Variants in TSBP1 observed in about 807,000 individuals in gnomAD.
The protein encoded by TSBP1 is testis-expressed basic protein 1.
TSBP1 carries 56 observed loss-of-function variants against 68.8 expected under a neutral mutation model. The ratio of observed to expected loss-of-function variants is 0.81; its 90% CI spans 0.66 to 1.02. TSBP1 has a LOEUF of 1.02. Among genes scored for constraint, TSBP1 ranks in the 50% least tolerant of loss-of-function variants. The pLI, the probability that TSBP1 is intolerant of heterozygous loss-of-function variation, is 0.00. For missense variants in TSBP1, 502 were observed against 641.2 expected, an observed-to-expected ratio of 0.78 and a Z score of 2.34; for synonymous variants, 171 against 208.7, an observed-to-expected ratio of 0.82 and a Z score of 1.56.
At chr6:32,360,233 C>CTTTTTTTTTTTTTTTTTTTTTTTTTTTTT (rs1328887962) in intron 6 of TSBP1, among the ~76,000 whole-genome samples, 2 of 152,090 alleles carry the variant, frequency 1.3e-5, no homozygotes, top group Non-Finnish European at 2.9e-5. Flanking sequence ...CTGAGTTCAA[C>CTTTTTTTTTTTTTTTTTTTTTTTTTTTTT]TTTTTAAGGT....
Position 32,315,560 on chromosome 6 carries a change from TCAAAA to T in TSBP1, c.580+207_580+211del, listed in dbSNP as rs1303467314. On this transcript the variant is annotated intron_variant, in intron 19 of 22. Coordinates refer to ENST00000612031, the Ensembl canonical transcript of TSBP1. This position sits in a 1 kb window ranked among gnomAD's most constrained non-coding sequence, Gnocchi z 5.4. The stretch of plus-strand genomic sequence containing the variant: ...CTGTGTGACAGAGTGAGACTCTGTC[TCAAAA>T]CAAAACAAAACAAAAAAACCTAAAT... 2.0e-5 allele frequency among the ~76,000 whole-genome samples: 3 copies of T among 152,110 alleles called. No homozygotes were observed. The highest frequency in any genetic ancestry group is 4.8e-5 in the African/African-American group (2 of 41,422).
At chr6:32,351,380 T>G (rs1338977381) in intron 8 of TSBP1, among the ~76,000 whole-genome samples, 1 of 152,152 alleles carries the variant, frequency 6.6e-6, no homozygotes, top group African/African-American at 2.4e-5. Context: ...AAGACACTGC[T>G]GAGAGAAGGG....
chr6:32,293,106 CT>C lies in TSBP1; in HGVS notation c.1566del (p.Gly523ValfsTer50), dbSNP rs1295573773. The C allele has an allele frequency of 1.9e-6, 3 of 1,603,424 alleles. No homozygotes were observed. Among genetic ancestry groups the C allele is most frequent in the East Asian group, 4.5e-5 (2 of 44,808 alleles). The stretch of plus-strand genomic sequence containing the variant: ...TTAACTTTGTCCTTTCCTTTGTCAC[CT>C]TTTGTGTTTTTGTCACCTTTTTCTT... On this transcript the variant is annotated frameshift_variant, in exon 23 of 23. Transcript: ENST00000612031. LOFTEE classifies it low-confidence loss of function (END_TRUNC).
intron 6 of TSBP1, among the ~76,000 whole-genome samples, chr6:32,363,149 A>G (rs1416343702): frequency 6.6e-6 from 1 of 152,086 alleles, no homozygotes; most frequent in Non-Finnish European, 1.5e-5. Context: ...ATAATTTTTG[A>G]CTAAAAGTCT....
intron 9 of TSBP1, among the ~76,000 whole-genome samples, chr6:32,341,531 A>T (rs1770352757): frequency 6.6e-6 from 1 of 152,142 alleles, no homozygotes; most frequent in African/African-American, 2.4e-5. Context: ...AACAAAACAC[A>T]TCTATAGGTG....
In TSBP1 at chr6:32,336,740, A is replaced by G; in HGVS notation, c.410-105T>C. ...TGAAGCAATTCAACCAGAGGAGAACAACTACTGTGGGACTGCAGATGATCT... is the reference window on the plus strand; with the variant it reads ...TGAAGCAATTCAACCAGAGGAGAACGACTACTGTGGGACTGCAGATGATCT... On this transcript the variant is annotated intron_variant, in intron 11 of 22. Coordinates refer to ENST00000612031, the Ensembl canonical transcript of TSBP1. This position sits in a 1 kb window ranked among gnomAD's most constrained non-coding sequence, Gnocchi z 5.2. 1 of 1,003,462 alleles carries G rather than the reference A, an allele frequency of 1.0e-6. No homozygotes were observed. The highest frequency in any genetic ancestry group is 2.5e-5 in the East Asian group (1 of 39,320). 62.2% of individuals were successfully genotyped at this position (1,003,462 alleles called of 1,614,324 possible).
intron 9 of TSBP1, among the ~76,000 whole-genome samples, chr6:32,349,149 CA>C (rs1221580379): frequency 6.6e-6 from 1 of 150,574 alleles, no homozygotes; most frequent in Non-Finnish European, 1.5e-5. Context: ...TAAATATAAA[CA>C]AAAAATTCAT....
Position 32,304,182 on chromosome 6 carries a change from C to G in TSBP1, c.581-1553G>C, listed in dbSNP as rs1025356364. Among the ~76,000 whole-genome samples the G allele has an allele frequency of 2.0e-5, 3 of 149,584 alleles. No homozygotes were observed. The highest frequency in any genetic ancestry group is 4.4e-5 in the Non-Finnish European group (3 of 67,736). On this transcript the variant is annotated intron_variant, in intron 19 of 22. Transcript: ENST00000612031. This position sits in a 1 kb window ranked among gnomAD's most constrained non-coding sequence, Gnocchi z 4.8. ...AAAGGAAGGAAGAAGAAAGAACGAG[C>G]GAATGAACAAAAGAAAGAAAGAAAG...
intron 19 of TSBP1, among the ~76,000 whole-genome samples, chr6:32,310,761 A>ATATATATTTT: frequency 9.7e-5 from 14 of 144,834 alleles, no homozygotes; most frequent in African/African-American, 1.5e-4. Context: ...ATATATATAT[A>ATATATATTTT]TTTTTAATCT....
rs1765422819 is a variant in TSBP1, at chr6:32,302,650, A to G, written c.581-21T>C. The G allele has an allele frequency of 1.9e-6, 3 of 1,538,656 alleles. No homozygotes were observed. Among genetic ancestry groups the G allele is most frequent in the South Asian group, 1.2e-5 (1 of 82,356 alleles). On this transcript the variant is annotated intron_variant, in intron 19 of 22. Coordinates refer to ENST00000612031, the Ensembl canonical transcript of TSBP1. This position sits in a 1 kb window ranked among gnomAD's most constrained non-coding sequence, Gnocchi z 5.1. Reference sequence around the variant, plus strand: ...TATTCCTGAAAATCAAAACAAGAAAATAGGTTAATGGCAGCATTTTTGGAA... The same window carrying G: ...TATTCCTGAAAATCAAAACAAGAAAGTAGGTTAATGGCAGCATTTTTGGAA...
chr6:32,354,589 A>T (rs906615575), intron 8 of TSBP1, among the ~76,000 whole-genome samples: 1 of 152,166 alleles, frequency 6.6e-6, no homozygotes, highest in African/African-American at 2.4e-5. Context: ...TGTACCCCGG[A>T]TAAACTCTTT....
exon 22 of TSBP1, chr6:32,299,930 G>C (rs751397449): frequency 3.1e-6 from 5 of 1,609,350 alleles, no homozygotes; most frequent in Non-Finnish European, 3.4e-6. Flanking sequence ...ACCCACAGGA[G>C]TCAGTGCTAA....
In TSBP1 at chr6:32,335,836, G is replaced by A. The variant is rs1769585791; in HGVS notation, c.451+76C>T. 1 of 1,193,330 alleles carries A rather than the reference G, an allele frequency of 8.4e-7. No homozygotes were observed. The highest frequency in any genetic ancestry group is 1.8e-5 in the Admixed American group (1 of 55,448). The allele number at this position is 1,193,330 out of a possible 1,614,324, so 73.9% of individuals were successfully genotyped here. On this transcript the variant is annotated intron_variant, in intron 13 of 22. Transcript: ENST00000612031. The surrounding 1 kb of genome is among the most constrained non-coding windows in gnomAD (Gnocchi z 5.5). ...CTCCAAACCCTTGAAATCCCAACATGGAAACCAGGTAGCGATCCCTAAGAT... is the reference window on the plus strand; with the variant it reads ...CTCCAAACCCTTGAAATCCCAACATAGAAACCAGGTAGCGATCCCTAAGAT...
At chr6:32,320,544 C>T (rs2127586551) in intron 18 of TSBP1, among the ~76,000 whole-genome samples, 1 of 152,024 alleles carries the variant, frequency 6.6e-6, no homozygotes, top group African/African-American at 2.4e-5. Flanking sequence ...ATTTTTTCAT[C>T]CCCTCACTGT....
rs1185312568 is a variant in TSBP1, at chr6:32,304,657, G to T, written c.581-2028C>A. On this transcript the variant is annotated intron_variant, in intron 19 of 22. Transcript: ENST00000612031. The surrounding 1 kb of genome is among the most constrained non-coding windows in gnomAD (Gnocchi z 4.8). ...TAATAGTTAAAGGTTACTAATTTAT[G>T]TTCTCTCTTCATCGTCTTTTTTGTC... is the stretch of plus-strand genomic sequence containing the variant. Among the ~76,000 whole-genome samples the T allele has an allele frequency of 3.3e-5, 5 of 152,052 alleles. No individual in the cohort carries two copies. The highest frequency in any genetic ancestry group is 7.4e-5 in the Non-Finnish European group (5 of 67,996).
chr6:32,369,974 A>G, exon 2 of TSBP1: 2 of 1,611,406 alleles, frequency 1.2e-6, no homozygotes, highest in African/African-American at 2.7e-5. Context: ...GATGACAGCC[A>G]AAGTTATTTC....
chr6:32,344,890 A>C (rs1770810601), intron 9 of TSBP1, among the ~76,000 whole-genome samples: 1 of 151,598 alleles, frequency 6.6e-6, no homozygotes. Flanking sequence ...ACAGGGTTTC[A>C]CTCTGTTGCC....
chr6:32,305,637 A>G (rs1368150212), intron 19 of TSBP1, among the ~76,000 whole-genome samples: 1 of 152,138 alleles, frequency 6.6e-6, no homozygotes, highest in Admixed American at 6.5e-5. Flanking sequence ...CTGGGATTAC[A>G]GGTGTGTGCC....
At chr6:32,348,147 C>CT (rs1771277382) in intron 9 of TSBP1, among the ~76,000 whole-genome samples, 1 of 152,200 alleles carries the variant, frequency 6.6e-6, no homozygotes, top group South Asian at 2.1e-4. Flanking sequence ...GGTATAGCAG[C>CT]TGCAGTGCTC....
Sources: gnomAD v4.1 joint callset for allele counts (sites outside exome capture counted in the v4.1 genomes callset) on GRCh38, gnomAD v4.1.1 for gene constraint, Gnocchi (gnomAD v3.1) non-coding constraint, MANE v1.5 for transcripts, NCBI Gene and HGNC (gene_info 2026-07-23, HGNC 2026-07-21) for gene names.